The following CLSTN1 variants were observed in gnomAD, a reference collection of about 807,000 sequenced individuals.
The protein encoded by CLSTN1 is calsyntenin-1.
A neutral mutation model predicts 108.3 loss-of-function variants in CLSTN1; 28 were observed. The ratio of observed to expected loss-of-function variants is 0.26; its 90% CI spans 0.19 to 0.35. The LOEUF is 0.35. Among genes scored for constraint, CLSTN1 ranks in the 10% least tolerant of loss-of-function variants. CLSTN1 has a pLI of 1.00. For synonymous variants in CLSTN1, 524 were observed against 534.9 expected, an observed-to-expected ratio of 0.98 and a Z score of 0.28; for missense variants, 1,157 against 1,302.6, an observed-to-expected ratio of 0.89 and a Z score of 1.72.
intron 2 of CLSTN1, 25 bp downstream of exon 2, chr1:9,773,245 AAG>A (rs1557708508): frequency 1.2e-5 from 20 of 1,613,212 alleles, no homozygotes; most frequent in Non-Finnish European, 1.5e-5. Context: ...CCGATTCATC[AAG>A]AGTCAATGAA....
intron 10 of CLSTN1, among the ~76,000 whole-genome samples, chr1:9,739,137 T>TA (rs1026033613): frequency 3.3e-5 from 5 of 152,178 alleles, no homozygotes; most frequent in African/African-American, 1.2e-4. Flanking sequence ...TGGGAAAAAT[T>TA]ACATGCTTAT....
chr1:9,801,471 A>G (rs928380120), intron 1 of CLSTN1, among the ~76,000 whole-genome samples: 1 of 152,256 alleles, frequency 6.6e-6, no homozygotes, highest in African/African-American at 2.4e-5. Context: ...GAATTGTACC[A>G]AACATTTAAG....
chr1:9,762,383 C>T (rs1204681067), intron 2 of CLSTN1, among the ~76,000 whole-genome samples: 1 of 152,026 alleles, frequency 6.6e-6, no homozygotes, highest in South Asian at 2.1e-4. Flanking sequence ...ATCGCTTGAA[C>T]CCGGGAGGCA....
In CLSTN1 at chr1:9,734,119, C is replaced by T; in HGVS notation, c.2134G>A (p.Glu712Lys). The change falls in exon 15 of 19, where the codon GAG becomes AAG. Residue 712 changes from glutamate (E) to lysine (K), a missense_variant. Transcript: ENST00000377298. This position sits in a 1 kb window ranked among gnomAD's most constrained non-coding sequence, Gnocchi z 4.8. ...CAGGTATCCAGGTCGTGCACGATCT[C>T]CTCGGACACCAGTGATTCTTGAACT... ...PTVQESLVSE[E>K]IVHDLDTCEV... The T allele has an allele frequency of 6.2e-7, 1 of 1,614,158 alleles. No individual in the cohort carries two copies. The highest frequency in any genetic ancestry group is 1.3e-5 in the African/African-American group (1 of 75,044).
intron 2 of CLSTN1, among the ~76,000 whole-genome samples, chr1:9,759,371 G>A (rs1315310691): frequency 6.6e-6 from 1 of 152,196 alleles, no homozygotes; most frequent in Non-Finnish European, 1.5e-5. Flanking sequence ...CACCTCCCGG[G>A]TTCACGCCAT....
intron 2 of CLSTN1, among the ~76,000 whole-genome samples, chr1:9,759,151 A>C (rs1275514597): frequency 6.6e-6 from 1 of 152,218 alleles, no homozygotes; most frequent in Admixed American, 6.5e-5. Flanking sequence ...GGGGTCTGCA[A>C]ACTGCCGTTT....
intron 1 of CLSTN1, among the ~76,000 whole-genome samples, chr1:9,814,102 A>C (rs887158605): frequency 2.7e-5 from 4 of 146,186 alleles, no homozygotes; most frequent in African/African-American, 5.0e-5. Flanking sequence ...ACACTGTCTC[A>C]AAAAAAAAAA....
chr1:9,731,932 C>T (rs1203777101), intron 16 of CLSTN1, 36 bp from the exon 17 acceptor site: 4 of 1,613,050 alleles, frequency 2.5e-6, no homozygotes, highest in Admixed American at 3.3e-5. Flanking sequence ...TGGAGACAGG[C>T]ATCCTGAGCC....
intron 4 of CLSTN1, among the ~76,000 whole-genome samples, chr1:9,752,116 C>T (rs1336177657): frequency 3.3e-5 from 5 of 151,998 alleles, no homozygotes; most frequent in Non-Finnish European, 5.9e-5. Context: ...GGGTATGAAA[C>T]AGAGAAAGCA....
At chr1:9,784,990 TAA>T in intron 1 of CLSTN1, among the ~76,000 whole-genome samples, 1 of 150,102 alleles carries the variant, frequency 6.7e-6, no homozygotes, top group South Asian at 2.1e-4. Context: ...TCCCTAGTCA[TAA>T]ATTCTTTTTT....
intron 7 of CLSTN1, among the ~76,000 whole-genome samples, chr1:9,745,003 C>T (rs1001984849): frequency 3.3e-5 from 5 of 152,202 alleles, no homozygotes; most frequent in African/African-American, 4.8e-5. Flanking sequence ...CCGCCTGACT[C>T]GGCCTCCAAA....
At chr1:9,780,862 G>A (rs566834382) in intron 1 of CLSTN1, 10 of 265,466 alleles carry the variant, frequency 3.8e-5, no homozygotes, top group Admixed American at 5.6e-5. Context: ...GCGAGTAGCC[G>A]TGGCAGCGAA....
In CLSTN1 at chr1:9,735,550, C is replaced by T. The variant is rs935808575; in HGVS notation, c.1800G>A (p.Lys600=). The change falls in exon 13 of 19, where the codon AAG becomes AAA. Residue 600 remains lysine (K), a synonymous_variant. Transcript: ENST00000377298. ...TCAGGTACGAGATGTGCTGCATGGC[C>T]TTATCCAATTCCCCGAGGTCTTCTC... ...LEGEDLGELD[K]AMQHISYLNS... The T allele has an allele frequency of 6.2e-7, 1 of 1,614,042 alleles. No homozygotes were observed. The highest frequency in any genetic ancestry group is 8.5e-7 in the Non-Finnish European group (1 of 1,180,038).
chr1:9,811,716 G>A (rs1377562090), intron 1 of CLSTN1, among the ~76,000 whole-genome samples: 2 of 140,490 alleles, frequency 1.4e-5, no homozygotes, highest in Admixed American at 1.4e-4. Flanking sequence ...TCTGACAAAT[G>A]CTTGAAATGC....
intron 1 of CLSTN1, among the ~76,000 whole-genome samples, chr1:9,820,301 C>A (rs879723602): frequency 1.4e-4 from 22 of 152,128 alleles, no homozygotes; most frequent in Non-Finnish European, 2.8e-4. Context: ...AGGCGGATCA[C>A]TTGAGGTCAG....
intron 11 of CLSTN1, 83 bp from the exon 12 acceptor site, chr1:9,736,125 G>C: frequency 6.5e-7 from 1 of 1,550,104 alleles, no homozygotes; most frequent in Non-Finnish European, 8.9e-7. Context: ...CGGTGTTACC[G>C]GTGCTGGCAG....
At chr1:9,819,501 G>A (rs1196979474) in intron 1 of CLSTN1, among the ~76,000 whole-genome samples, 1 of 152,074 alleles carries the variant, frequency 6.6e-6, no homozygotes, top group Non-Finnish European at 1.5e-5. Context: ...AACTAAAACT[G>A]AAATATTATT....
chr1:9,730,505 G>A lies in CLSTN1; in HGVS notation c.*3C>T, dbSNP rs200668377. On this transcript the variant is annotated 3_prime_UTR_variant, in exon 19 of 19. Coordinates refer to ENST00000377298, the MANE Select transcript of CLSTN1 (RefSeq NM_001009566.3). This position sits in a 1 kb window ranked among gnomAD's most constrained non-coding sequence, Gnocchi z 5.6. ...CAGAAACCGAGGTGGCCGGGGGCAC[G>A]GGTCAGTAGCTGAGGGTGGAGTCAT... 3.6e-3 allele frequency: 5,815 copies of A among 1,602,132 alleles called. 10 individuals are homozygous for A. Among genetic ancestry groups the A allele is most frequent in the Non-Finnish European group, 4.6e-3 (5,437 of 1,179,672 alleles).
chr1:9,731,115 T>C (rs1650361627), intron 18 of CLSTN1, 91 bp downstream of exon 18: 2 of 1,453,558 alleles, frequency 1.4e-6, no homozygotes, highest in Non-Finnish European at 1.9e-6. Context: ...ATGGAAAGCA[T>C]GTGAACCTGA....
Sources: gnomAD v4.1 joint callset for allele counts (sites outside exome capture counted in the v4.1 genomes callset) on GRCh38, gnomAD v4.1.1 for gene constraint, Gnocchi (gnomAD v3.1) non-coding constraint, MANE v1.5 for transcripts, NCBI Gene and HGNC (gene_info 2026-07-23, HGNC 2026-07-21) for gene names.